Variants in PPM1L observed in about 807,000 individuals in gnomAD.
PPM1L encodes the protein protein phosphatase, Mg2+/Mn2+ dependent 1L.
PPM1L carries 13 observed loss-of-function variants against 31.4 expected under a neutral mutation model. That is an observed-to-expected ratio of 0.41 (90% CI 0.27 to 0.66). The LOEUF is 0.66. Ranked by LOEUF, PPM1L falls within the 30% of genes least tolerant of loss-of-function variation. PPM1L has a pLI of 0.29. For synonymous variants in PPM1L, 184 were observed against 175.4 expected, an observed-to-expected ratio of 1.05 and a Z score of -0.39; for missense variants, 326 against 453.7, an observed-to-expected ratio of 0.72 and a Z score of 2.56.
At chr3:160,858,588 TG>T (rs1215478174) in intron 1 of PPM1L, among the ~76,000 whole-genome samples, 1 of 152,210 alleles carries the variant, frequency 6.6e-6, no homozygotes, top group Non-Finnish European at 1.5e-5. Context: ...TTATAATGAA[TG>T]GGACTACATT....
intron 1 of PPM1L, among the ~76,000 whole-genome samples, chr3:160,802,495 G>T (rs752155544): frequency 3.1e-4 from 47 of 152,188 alleles, no homozygotes; most frequent in Admixed American, 9.8e-4. Context: ...TCATTTGATC[G>T]TTAGGAAGAA....
chr3:160,805,894 G>A (rs1213873499), intron 1 of PPM1L, among the ~76,000 whole-genome samples: 1 of 152,074 alleles, frequency 6.6e-6, no homozygotes, highest in Non-Finnish European at 1.5e-5. Context: ...TTTCACATAA[G>A]GACCAGATTC....
At chr3:160,935,933 C>A (rs1054440640) in intron 1 of PPM1L, among the ~76,000 whole-genome samples, 1 of 152,186 alleles carries the variant, frequency 6.6e-6, no homozygotes, top group Admixed American at 6.5e-5. Context: ...AGGCCTGCAT[C>A]TGATTGTGGG....
intron 1 of PPM1L, among the ~76,000 whole-genome samples, chr3:160,866,213 A>G (rs757764795): frequency 7.9e-5 from 12 of 152,224 alleles, no homozygotes; most frequent in Non-Finnish European, 1.5e-4. Flanking sequence ...TACTTAAAAA[A>G]TATCTGCTGT....
At position 161,020,629 on chromosome 3, in the gene PPM1L, A is replaced by G. The variant is rs1253347396; in HGVS notation, c.575-44774A>G. Among the ~76,000 whole-genome samples the G allele has an allele frequency of 2.0e-5, 3 of 152,198 alleles. No homozygotes were observed. In the East Asian group the frequency reaches 5.8e-4, roughly 29 times the overall value. On this transcript the variant is annotated intron_variant, in intron 2 of 3. Coordinates refer to ENST00000498165, the MANE Select transcript of PPM1L (RefSeq NM_139245.4). ...GTTTGTGAAGAATTGGTTGGCATTAATTCTTCATTGCATGTTTGATAGAAT... is the reference window on the plus strand; with the variant it reads ...GTTTGTGAAGAATTGGTTGGCATTAGTTCTTCATTGCATGTTTGATAGAAT...
intron 2 of PPM1L, among the ~76,000 whole-genome samples, chr3:161,025,577 G>GAA (rs35588038): frequency 7.8e-6 from 1 of 128,500 alleles, no homozygotes. Flanking sequence ...ATTTGTAAAT[G>GAA]AAAAAAAAAA....
intron 1 of PPM1L, among the ~76,000 whole-genome samples, chr3:160,954,185 A>G (rs936726061): frequency 6.6e-6 from 1 of 152,240 alleles, no homozygotes; most frequent in African/African-American, 2.4e-5. Flanking sequence ...TAACACATTT[A>G]AAGCATTCAG....
chr3:160,835,333 A>T (rs1233914096), intron 1 of PPM1L, among the ~76,000 whole-genome samples: 1 of 151,728 alleles, frequency 6.6e-6, no homozygotes, highest in Admixed American at 6.6e-5. Context: ...TTGTGTTTTC[A>T]GTATTCTCTA....
intron 2 of PPM1L, among the ~76,000 whole-genome samples, chr3:161,024,048 G>T (rs1046859232): frequency 6.6e-6 from 1 of 152,040 alleles, no homozygotes; most frequent in Admixed American, 6.6e-5. Flanking sequence ...AGGCCCAGAC[G>T]GGCAGATCAC....
chr3:160,973,881 T>A (rs1165729582), intron 2 of PPM1L, among the ~76,000 whole-genome samples: 1 of 151,092 alleles, frequency 6.6e-6, no homozygotes, highest in Non-Finnish European at 1.5e-5. Context: ...TTATGTATTT[T>A]TTATTATACT....
chr3:161,047,943 G>A (rs980633621), intron 2 of PPM1L, among the ~76,000 whole-genome samples: 29 of 152,098 alleles, frequency 1.9e-4, no homozygotes, highest in Admixed American at 4.6e-4. Context: ...AATTCAAGAT[G>A]GATTAAAGAC....
intron 2 of PPM1L, among the ~76,000 whole-genome samples, chr3:161,009,360 A>G (rs1717813154): frequency 6.6e-6 from 1 of 152,218 alleles, no homozygotes; most frequent in Non-Finnish European, 1.5e-5. Flanking sequence ...AGGCTTACAT[A>G]TGAATAGTTA....
At chr3:160,884,302 A>G (rs1712834045) in intron 1 of PPM1L, among the ~76,000 whole-genome samples, 1 of 152,200 alleles carries the variant, frequency 6.6e-6, no homozygotes, top group Admixed American at 6.5e-5. Flanking sequence ...TTAGGTGTGT[A>G]GGTCTCCATG....
chr3:160,994,805 TA>T (rs1240775092), intron 2 of PPM1L, among the ~76,000 whole-genome samples: 1 of 151,758 alleles, frequency 6.6e-6, no homozygotes, highest in East Asian at 1.9e-4. Context: ...TGGAGAAAAA[TA>T]AAGCAGGACA....
chr3:160,916,201 A>G (rs1463917314), intron 1 of PPM1L, among the ~76,000 whole-genome samples: 1 of 152,158 alleles, frequency 6.6e-6, no homozygotes, highest in African/African-American at 2.4e-5. Context: ...ATGAACTCAA[A>G]CAAATTTACA....
chr3:160,887,144 G>T (rs943753838), intron 1 of PPM1L, among the ~76,000 whole-genome samples: 1 of 151,896 alleles, frequency 6.6e-6, no homozygotes, highest in African/African-American at 2.4e-5. Context: ...AATAATGCAT[G>T]CAGACAAGAT....
chr3:161,074,705 G>A lies in PPM1L; in HGVS notation c.*5548G>A, dbSNP rs148709419. On this transcript the variant is annotated 3_prime_UTR_variant, in exon 4 of 4. Coordinates refer to ENST00000498165, the MANE Select transcript of PPM1L (RefSeq NM_139245.4). Reference sequence around the variant, plus strand: ...ACAGCAAACTGTTGAGGCTAGGGTTGATTATTGATAATTTTTATGTGTTTA... The same window carrying A: ...ACAGCAAACTGTTGAGGCTAGGGTTAATTATTGATAATTTTTATGTGTTTA... The A allele has an allele frequency of 1.3e-5, 2 of 152,210 alleles. No homozygotes were observed. Among genetic ancestry groups the A allele is most frequent in the African/African-American group, 4.8e-5 (2 of 41,508 alleles). 9.4% of individuals were successfully genotyped at this position (152,210 alleles called of 1,614,324 possible).
intron 1 of PPM1L, among the ~76,000 whole-genome samples, chr3:160,793,520 T>C (rs1712159475): frequency 6.6e-6 from 1 of 152,198 alleles, no homozygotes; most frequent in East Asian, 1.9e-4. Flanking sequence ...ATGTCAGGCC[T>C]TCAAATGTGT....
intron 2 of PPM1L, among the ~76,000 whole-genome samples, chr3:161,053,792 C>T (rs1369547626): frequency 6.6e-6 from 1 of 152,072 alleles, no homozygotes; most frequent in Non-Finnish European, 1.5e-5. Flanking sequence ...GGGGAAGAGC[C>T]AAAGTATACC....
Sources: allele counts gnomAD v4.1 joint callset (sites outside exome capture counted in the v4.1 genomes callset), GRCh38; gene constraint gnomAD v4.1.1; transcripts MANE v1.5; gene names NCBI Gene and HGNC (gene_info 2026-07-23, HGNC 2026-07-21).